Variants in DST observed in about 807,000 individuals in gnomAD.
DST encodes bullous pemphigoid antigen.
A neutral mutation model predicts 875.2 loss-of-function variants in DST; 253 were observed. The ratio of observed to expected loss-of-function variants is 0.29; its 90% CI spans 0.26 to 0.32. The LOEUF is 0.32. Among genes scored for constraint, DST ranks in the 10% least tolerant of loss-of-function variants. DST has a pLI of 1.00. For missense variants in DST, 8,287 were observed against 9,111.6 expected (o/e 0.91, Z 3.68); for synonymous variants, 3,124 against 3,197.1 (o/e 0.98, Z 0.77).
chr6:56,613,559 G>A (rs756460651), intron 37 of DST, among the ~76,000 whole-genome samples: 1 of 152,174 alleles, frequency 6.6e-6, no homozygotes, highest in Non-Finnish European at 1.5e-5. Flanking sequence ...CGTCAGACAA[G>A]AGCAGGAGGG....
intron 31 of DST, 50 bp from the exon 32 acceptor site, chr6:56,629,493 G>T: frequency 7.4e-7 from 1 of 1,343,114 alleles, no homozygotes; most frequent in Non-Finnish European, 1.1e-6. Context: ...CCACTCACTG[G>T]GTAAATATAT....
At chr6:56,517,711 A>G (rs2096621847) in intron 69 of DST, 91 bp from the exon 70 acceptor site, 1 of 1,423,794 alleles carries the variant, frequency 7.0e-7, no homozygotes. Flanking sequence ...TCCTTATTAC[A>G]CAAGTGGAAA....
At chr6:56,834,271 C>T (rs916447023) in intron 4 of DST, among the ~76,000 whole-genome samples, 3 of 151,950 alleles carry the variant, frequency 2.0e-5, no homozygotes, top group Admixed American at 6.6e-5. Context: ...TGAACAGACA[C>T]CTCACGAAAG....
chr6:56,633,595 G>C (rs1171866405), intron 27 of DST, among the ~76,000 whole-genome samples: 1 of 151,350 alleles, frequency 6.6e-6, no homozygotes, highest in African/African-American at 2.4e-5. Flanking sequence ...CTGCCCCCCA[G>C]GTCCAAGCAA....
Position 56,869,233 on chromosome 6 carries a change from C to T in DST, c.418-17629G>A, listed in dbSNP as rs553692996. The stretch of plus-strand genomic sequence containing the variant: ...ATTGCAGACTTGACTTCCTAACAAA[C>T]CTTCCTGCTGTACAGTAGCTAAAAA... On this transcript the variant is annotated intron_variant, in intron 3 of 103. Coordinates refer to ENST00000680361, the MANE Select transcript of DST (RefSeq NM_001374736.1). Among the ~76,000 whole-genome samples the T allele has an allele frequency of 2.0e-4, 30 of 152,254 alleles. No homozygotes were observed. The South Asian group carries it at 5.6e-3, about 28-fold the overall frequency.
intron 4 of DST, among the ~76,000 whole-genome samples, chr6:56,762,681 C>T (rs1351886726): frequency 2.6e-5 from 4 of 152,080 alleles, no homozygotes; most frequent in Non-Finnish European, 4.4e-5. Flanking sequence ...AAAATACCTG[C>T]GCAACTACTT....
At chr6:56,817,049 G>A (rs1000411488) in intron 4 of DST, among the ~76,000 whole-genome samples, 8 of 151,390 alleles carry the variant, frequency 5.3e-5, no homozygotes, top group Non-Finnish European at 1.0e-4. Flanking sequence ...TTGACCCATG[G>A]AAATAGTGAG....
chr6:56,853,253 T>C (rs1766168372), intron 3 of DST, among the ~76,000 whole-genome samples: 1 of 152,188 alleles, frequency 6.6e-6, no homozygotes, highest in Non-Finnish European at 1.5e-5. Context: ...TTAGGCAAAC[T>C]TGAGGCAAAA....
chr6:56,666,534 C>T (rs1033319764), intron 10 of DST, among the ~76,000 whole-genome samples: 1 of 152,082 alleles, frequency 6.6e-6, no homozygotes, highest in Non-Finnish European at 1.5e-5. Flanking sequence ...TCATCCACTA[C>T]AGCAACCAAC....
Position 56,492,399 on chromosome 6 carries a change from T to C in DST, c.20585A>G (p.Gln6862Arg). The part of the protein sequence containing the change: ...FANEVNSHRE[Q>R]IIELDKTGTH... ...TCCAGTTTTGTCCAGCTCTATTATC[T>C]GCTCACGATGAGAATTTACTTCATT... The change falls in exon 85 of 104, where the codon CAG (glutamine) becomes CGG (arginine). Residue 6862 changes from glutamine to arginine, a missense_variant. Transcript: ENST00000680361. 2 of 1,613,536 alleles carry C rather than the reference T, an allele frequency of 1.2e-6. No individual in the cohort carries two copies. The highest frequency in any genetic ancestry group is 1.7e-6 in the Non-Finnish European group (2 of 1,179,762).
At position 56,617,303 on chromosome 6, in the gene DST, C is replaced by A. The variant is rs529441561; in HGVS notation, c.4930-2819G>T. 9.3e-6 allele frequency: 15 copies of A among 1,613,692 alleles called. No individual in the cohort carries two copies. The South Asian group carries it at 1.6e-4, about 18-fold the overall frequency. ...CTTAAGGAAATCCCCTTTCTTGAGTCCACCAGATGCTCTGCACCCTTCAAG... is the reference window on the plus strand; with the variant it reads ...CTTAAGGAAATCCCCTTTCTTGAGTACACCAGATGCTCTGCACCCTTCAAG... On this transcript the variant is annotated intron_variant, in intron 36 of 103. Coordinates refer to ENST00000680361, the MANE Select transcript of DST (RefSeq NM_001374736.1).
At chr6:56,756,508 G>A (rs2099603888) in intron 4 of DST, among the ~76,000 whole-genome samples, 1 of 152,118 alleles carries the variant, frequency 6.6e-6, no homozygotes, top group Non-Finnish European at 1.5e-5. Context: ...CAGAAAAGGG[G>A]TACAAATCAC....
chr6:56,909,348 A>T (rs1394810532), intron 2 of DST, among the ~76,000 whole-genome samples: 1 of 152,176 alleles, frequency 6.6e-6, no homozygotes, highest in Non-Finnish European at 1.5e-5. Context: ...TGAAATGTGT[A>T]TATATGTAAG....
chr6:56,607,767 A>C lies in DST; in HGVS notation c.6861T>G (p.Pro2287=). ...SSFNKCHCGE[P]EHEETPENRK... Reference sequence around the variant, plus strand: ...TATTTTCAGGAGTCTCTTCATGTTCAGGTTCTCCACAGTGACATTTATTGA... The same window carrying C: ...TATTTTCAGGAGTCTCTTCATGTTCCGGTTCTCCACAGTGACATTTATTGA... Residue 2287 remains proline, a synonymous_variant, in exon 40 of 104, where the codon CCT becomes CCG. Transcript: ENST00000680361. 6.2e-7 allele frequency: 1 copy of C among 1,613,430 alleles called. No individual in the cohort carries two copies.
At chr6:56,652,661 T>C (rs2098983291) in intron 10 of DST, among the ~76,000 whole-genome samples, 2 of 152,228 alleles carry the variant, frequency 1.3e-5, no homozygotes, top group African/African-American at 2.4e-5. Flanking sequence ...AAAACAGACC[T>C]TTCAAGAAAA....
Position 56,605,001 on chromosome 6 carries a change from T to C in DST, c.9627A>G (p.Ile3209Met). 1 of 1,613,004 alleles carries C rather than the reference T, an allele frequency of 6.2e-7. No homozygotes were observed. ...PNEDVPSHVL[I>M]TAPPMKEHLQ... ...AATGTTCTTTCATGGGAGGGGCAGT[T>C]ATTAAAACATGGCTTGGGACATCTT... Residue 3209 changes from isoleucine to methionine, a missense_variant, in exon 40 of 104, where the codon ATA (isoleucine) becomes ATG (methionine). Physicochemically the swap from Ile to Met is conservative, Grantham distance 10 (BLOSUM62 1). This residue lies in a region of DST where 3,138 missense variants were observed against 3,116.6 expected (regional missense o/e 1.01). Coordinates refer to ENST00000680361, the MANE Select transcript of DST (RefSeq NM_001374736.1).
chr6:56,871,087 G>T, intron 3 of DST: 3 of 522,250 alleles, frequency 5.7e-6, no homozygotes, highest in Non-Finnish European at 1.0e-5. Flanking sequence ...TTTTGCAGAA[G>T]AGAAAACATA....
At position 56,597,875 on chromosome 6, in the gene DST, G is replaced by T. The variant is rs2098406465; in HGVS notation, c.12060C>A (p.Thr4020=). ...KHKQVIEQNG[T]HFQEGDGKSA... is the part of the protein sequence containing the mutation. The stretch of plus-strand genomic sequence containing the variant: ...ACTTGCCATCACCTTCTTGAAAATG[G>T]GTCCCGTTCTGTTCGATTACCTGTT... The change falls in exon 47 of 104, where the codon ACC becomes ACA. Residue 4020 remains threonine (T), a synonymous_variant. Transcript: ENST00000680361. The T allele has an allele frequency of 6.2e-7, 1 of 1,613,610 alleles. No individual in the cohort carries two copies. The highest frequency in any genetic ancestry group is 8.5e-7 in the Non-Finnish European group (1 of 1,179,824).
intron 69 of DST, among the ~76,000 whole-genome samples, chr6:56,521,601 GAA>G (rs10547460): frequency 0.022 from 2,031 of 91,986 alleles, 29 homozygotes; most frequent in East Asian, 0.13. Context: ...CTCTGCTAAG[GAA>G]AAAAAAAAAA....
Sources: allele counts gnomAD v4.1 joint callset (sites outside exome capture counted in the v4.1 genomes callset), GRCh38; gene constraint gnomAD v4.1.1; regional missense constraint gnomAD v4.1.1; transcripts MANE v1.5; gene names NCBI Gene and HGNC (gene_info 2026-07-23, HGNC 2026-07-21).